CDH12: variants seen among roughly 807,000 people sequenced by gnomAD.
CDH12 encodes cadherin 12.
A neutral mutation model predicts 74.1 loss-of-function variants in CDH12; 41 were observed. That is an observed-to-expected ratio of 0.55 (90% CI 0.43 to 0.72). The LOEUF (loss-of-function observed/expected upper bound fraction) is 0.72. Among genes scored for constraint, CDH12 ranks in the 30% least tolerant of loss-of-function variants. CDH12 has a pLI of 0.00. For synonymous variants in CDH12, 399 were observed against 355.0 expected (o/e 1.12, Z -1.39); for missense variants, 945 against 977.2 (o/e 0.97, Z 0.44).
chr5:22,593,911 T>C (rs1186327244), intron 1 of CDH12, among the ~76,000 whole-genome samples: 1 of 152,214 alleles, frequency 6.6e-6, no homozygotes, highest in Non-Finnish European at 1.5e-5. Flanking sequence ...ATATAAAATG[T>C]CTATTAACTG....
At chr5:22,108,170 C>G (rs1387259293) in intron 4 of CDH12, among the ~76,000 whole-genome samples, 1 of 152,114 alleles carries the variant, frequency 6.6e-6, no homozygotes, top group Admixed American at 6.6e-5. Context: ...CCATACTGTT[C>G]TCCTAGTAGT....
intron 5 of CDH12, among the ~76,000 whole-genome samples, chr5:21,977,088 G>C (rs1043226001): frequency 1.6e-4 from 25 of 151,804 alleles, no homozygotes; most frequent in Non-Finnish European, 5.9e-5. Context: ...TGTTCTAAAA[G>C]TGTTTTGTAT....
intron 9 of CDH12, among the ~76,000 whole-genome samples, chr5:21,803,213 G>A (rs1192604902): frequency 3.3e-5 from 5 of 152,000 alleles, no homozygotes; most frequent in African/African-American, 1.2e-4. Flanking sequence ...ATATTTTGTT[G>A]TCTTATTTTA....
chr5:21,974,738 C>T (rs1756988296), intron 6 of CDH12, among the ~76,000 whole-genome samples: 1 of 152,098 alleles, frequency 6.6e-6, no homozygotes, highest in African/African-American at 2.4e-5. Flanking sequence ...TACTGTCTGG[C>T]ATTTTGTGGT....
At chr5:21,874,209 G>T (rs1239236326) in intron 6 of CDH12, among the ~76,000 whole-genome samples, 3 of 152,126 alleles carry the variant, frequency 2.0e-5, no homozygotes, top group Admixed American at 6.5e-5. Flanking sequence ...GTGGTCAAAG[G>T]ACATAAACAG....
intron 6 of CDH12, among the ~76,000 whole-genome samples, chr5:21,917,998 A>T (rs986729): frequency 0.73 from 110,700 of 152,076 alleles, 43,383 homozygotes; most frequent in East Asian, 0.93. Context: ...TTAACACATA[A>T]ACTTTTTAGC....
chr5:22,160,437 C>T (rs1357380574), intron 4 of CDH12, among the ~76,000 whole-genome samples: 1 of 151,904 alleles, frequency 6.6e-6, no homozygotes, highest in East Asian at 1.9e-4. Flanking sequence ...CGTTGTTTAG[C>T]AAAAGGAGGT....
chr5:21,831,070 A>AC (rs202065799), intron 8 of CDH12, among the ~76,000 whole-genome samples: 6 of 150,948 alleles, frequency 4.0e-5, no homozygotes, highest in Admixed American at 2.6e-4. Flanking sequence ...AAACAAACAA[A>AC]AAAAAACCAA....
At chr5:22,849,709 C>G (rs1382952596) in intron 1 of CDH12, among the ~76,000 whole-genome samples, 1 of 152,042 alleles carries the variant, frequency 6.6e-6, no homozygotes, top group Non-Finnish European at 1.5e-5. Flanking sequence ...TTGTTTCTCA[C>G]TAGAACCTTC....
At chr5:22,170,742 C>T (rs1390653712) in intron 4 of CDH12, among the ~76,000 whole-genome samples, 2 of 151,784 alleles carry the variant, frequency 1.3e-5, no homozygotes, top group East Asian at 1.9e-4. Flanking sequence ...AGCAGAATCA[C>T]GAATTCACTG....
rs115399575 is a variant in CDH12 at position 21,883,567 on chromosome 5, G to A, written c.527-28777C>T. On this transcript the variant is annotated intron_variant, in intron 6 of 14. Coordinates refer to ENST00000382254, the MANE Select transcript of CDH12 (RefSeq NM_004061.5). ...ATTGCTACTGGTGGTGCAGTGTTTG[G>A]AGAAGAGGGGTTGACCCTGAATCTT... is the stretch of plus-strand genomic sequence containing the variant. 1,482 of 1,606,680 alleles carry A rather than the reference G, an allele frequency of 9.2e-4. 15 individuals carry two copies. The African/African-American group carries it at 0.017, about 19-fold the overall frequency.
chr5:22,004,424 T>G (rs994058174), intron 5 of CDH12, among the ~76,000 whole-genome samples: 2 of 152,092 alleles, frequency 1.3e-5, no homozygotes, highest in Non-Finnish European at 2.9e-5. Flanking sequence ...GCCTTCAAGT[T>G]CCTACACTTT....
At position 22,557,705 on chromosome 5, in the gene CDH12, A is replaced by G. The variant is rs1401962480; in HGVS notation, c.-522-52341T>C. Among the ~76,000 whole-genome samples, 4 of 152,120 alleles carry G rather than the reference A, an allele frequency of 2.6e-5. No homozygotes were observed. In the East Asian group the frequency reaches 7.7e-4, roughly 29 times the overall value. ...TAATTGTGCAATTACCTACAATGAT[A>G]AACTTCAATATGTGTTTTCAAGAAT... On this transcript the variant is annotated intron_variant, in intron 1 of 14. Coordinates refer to ENST00000382254, the MANE Select transcript of CDH12 (RefSeq NM_004061.5).
At chr5:22,389,723 C>A (rs1173997013) in intron 3 of CDH12, among the ~76,000 whole-genome samples, 1 of 150,174 alleles carries the variant, frequency 6.7e-6, no homozygotes, top group East Asian at 2.0e-4. Context: ...TCTCAGCTCA[C>A]TGCAAGCTCC....
chr5:22,112,004 C>A (rs536360861), intron 4 of CDH12, among the ~76,000 whole-genome samples: 17 of 151,832 alleles, frequency 1.1e-4, no homozygotes, highest in Admixed American at 5.9e-4. Flanking sequence ...TCAAGTAATT[C>A]CCTATAACAT....
chr5:22,739,058 CT>C (rs1246445880), intron 1 of CDH12, among the ~76,000 whole-genome samples: 14 of 151,870 alleles, frequency 9.2e-5, no homozygotes, highest in African/African-American at 3.4e-4. Flanking sequence ...CCATATATGT[CT>C]TTTAAAATAA....
At chr5:21,787,969 A>G (rs1746286565) in intron 10 of CDH12, among the ~76,000 whole-genome samples, 1 of 152,156 alleles carries the variant, frequency 6.6e-6, no homozygotes, top group Non-Finnish European at 1.5e-5. Flanking sequence ...GAAACTCCTT[A>G]TTAACTGTAG....
intron 3 of CDH12, among the ~76,000 whole-genome samples, chr5:22,346,003 G>C (rs562338329): frequency 2.6e-5 from 4 of 151,862 alleles, no homozygotes; most frequent in African/African-American, 7.3e-5. Context: ...CTACTCGGGA[G>C]GCTGAGGCAA....
intron 2 of CDH12, among the ~76,000 whole-genome samples, chr5:22,460,309 C>A (rs1039303132): frequency 2.6e-5 from 4 of 152,204 alleles, no homozygotes; most frequent in Admixed American, 1.3e-4. Context: ...CTTACAAATG[C>A]CTGTTTATAC....
Sources: gnomAD v4.1 joint callset for allele counts (sites outside exome capture counted in the v4.1 genomes callset) on GRCh38, gnomAD v4.1.1 for gene constraint, MANE v1.5 for transcripts, NCBI Gene and HGNC (gene_info 2026-07-23, HGNC 2026-07-21) for gene names.